The following ZNF280B variants were observed in gnomAD, a reference collection of about 807,000 sequenced individuals.
The protein encoded by ZNF280B is suppressor of hairy wing homolog 2.
A neutral mutation model predicts 38.0 loss-of-function variants in ZNF280B; 16 were observed. The ratio of observed to expected loss-of-function variants is 0.42; its 90% CI spans 0.28 to 0.64. The LOEUF is 0.64. Ranked by LOEUF, ZNF280B falls within the 30% of genes least tolerant of loss-of-function variation. The probability of loss-of-function intolerance (pLI) is 0.21; values close to 1 mark genes in which losing one functional copy is unlikely to be tolerated. For synonymous variants in ZNF280B, 253 were observed against 230.6 expected (o/e 1.10, Z -0.88); for missense variants, 581 against 639.6 (o/e 0.91, Z 0.99).
chr22:22,504,633 T>C (rs189114215), intron 2 of ZNF280B, among the ~76,000 whole-genome samples: 64 of 152,128 alleles, frequency 4.2e-4, no homozygotes, highest in African/African-American at 1.5e-3. Context: ...GTTCTGTGTG[T>C]AGCCAAACAT....
intron 3 of ZNF280B, among the ~76,000 whole-genome samples, chr22:22,492,341 T>G (rs920558073): frequency 1.3e-5 from 2 of 151,906 alleles, no homozygotes; most frequent in Non-Finnish European, 2.9e-5. Context: ...TAAGCATTAC[T>G]GACATTTGGG....
At position 22,489,496 on chromosome 22, in the gene ZNF280B, G is replaced by A; in HGVS notation, c.-68-30C>T. 2.9e-6 allele frequency: 3 copies of A among 1,043,978 alleles called. 1 individual carries two copies. Among genetic ancestry groups the A allele is most frequent in the South Asian group, 3.4e-5 (2 of 59,050 alleles). The allele number at this position is 1,043,978 out of a possible 1,614,324, so 64.7% of individuals were successfully genotyped here. A position where few individuals can be genotyped will look rare whatever the true frequency, so the allele number is the denominator to read the frequency against. On this transcript the variant is annotated intron_variant, in intron 3 of 3. Transcript: ENST00000626650. ...GTACAAACATACATCAGTAAGTACAGGAAAATGCATTACCTTATTTAATTT... is the reference window on the plus strand; with the variant it reads ...GTACAAACATACATCAGTAAGTACAAGAAAATGCATTACCTTATTTAATTT...
Position 22,488,943 on chromosome 22 carries a change from C to T in ZNF280B, c.456G>A (p.Leu152=). ...PSPLITFTDS[L]HHPVSTALSV... ...AAAGTGCTGTACTTACTGGATGATGCAATGAATCTGTGAATGTAATCAAAG... is the reference window on the plus strand; with the variant it reads ...AAAGTGCTGTACTTACTGGATGATGTAATGAATCTGTGAATGTAATCAAAG... Residue 152 remains leucine, a synonymous_variant, in exon 4 of 4, where the codon TTG becomes TTA. Coordinates refer to ENST00000626650, the MANE Select transcript of ZNF280B (RefSeq NM_080764.4). 6.2e-7 allele frequency: 1 copy of T among 1,613,744 alleles called. No homozygotes were observed. Among genetic ancestry groups the T allele is most frequent in the Non-Finnish European group, 8.5e-7 (1 of 1,179,946 alleles).
chr22:22,503,551 G>A (rs2061869922), intron 2 of ZNF280B, among the ~76,000 whole-genome samples: 1 of 151,938 alleles, frequency 6.6e-6, no homozygotes, highest in African/African-American at 2.4e-5. Context: ...AATTAAGCTA[G>A]TATCAGGTGG....
At chr22:22,495,090 G>C (rs997544830) in intron 2 of ZNF280B, among the ~76,000 whole-genome samples, 2 of 151,868 alleles carry the variant, frequency 1.3e-5, no homozygotes. Context: ...TCTGAGGAAA[G>C]GCTTCCCCAA....
rs904667647 is a variant in ZNF280B, at chr22:22,499,280, T to C, written c.-186-5100A>G. Among the ~76,000 whole-genome samples the C allele has an allele frequency of 4.6e-5, 7 of 152,020 alleles. No individual in the cohort carries two copies. The East Asian group carries it at 9.8e-4, about 21-fold the overall frequency. On this transcript the variant is annotated intron_variant, in intron 2 of 3. Coordinates refer to ENST00000626650, the MANE Select transcript of ZNF280B (RefSeq NM_080764.4). The stretch of plus-strand genomic sequence containing the variant: ...ATTATTTTTAATTTTAATTTTTTTT[T>C]TGAGTCGGAATTTCATTCTTGTTGC...
intron 2 of ZNF280B, among the ~76,000 whole-genome samples, chr22:22,495,864 T>C (rs1178507934): frequency 1.3e-5 from 2 of 150,794 alleles, no homozygotes; most frequent in African/African-American, 4.9e-5. Flanking sequence ...CACAGTCTTG[T>C]GCACAGTCTT....
Position 22,487,682 on chromosome 22 carries a change from G to C in ZNF280B, c.*85C>G. On this transcript the variant is annotated 3_prime_UTR_variant, in exon 4 of 4. Transcript: ENST00000626650. ...TAGTTTCACTATTTTTGGTGCTACT[G>C]AATAATGTATGGTTTGTATTTTTTG... 1 of 1,196,658 alleles carries C rather than the reference G, an allele frequency of 8.4e-7. No individual in the cohort carries two copies. The highest frequency in any genetic ancestry group is 1.2e-6 in the Non-Finnish European group (1 of 858,356). 74.1% of individuals were successfully genotyped at this position (1,196,658 alleles called of 1,614,324 possible). A position where few individuals can be genotyped will look rare whatever the true frequency, so the allele number is the denominator to read the frequency against.
At chr22:22,498,133 A>G (rs2061738782) in intron 2 of ZNF280B, among the ~76,000 whole-genome samples, 1 of 152,012 alleles carries the variant, frequency 6.6e-6, no homozygotes. Context: ...TTTCATTTAC[A>G]GGAAATATCA....
rs71199481 is a variant in ZNF280B, at chr22:22,487,447, T to TAAAAAAAAAAAAAAAAA, written c.*303_*319dup. On this transcript the variant is annotated 3_prime_UTR_variant, in exon 4 of 4. Transcript: ENST00000626650. ...TAACAGTGAGACCCTGTCTCTAAAG[T>TAAAAAAAAAAAAAAAAA]AAAAAAAAAAAAAAAAAAAAAAAAA... 2 of 66,774 alleles carry TAAAAAAAAAAAAAAAAA rather than the reference T, an allele frequency of 3.0e-5. No homozygotes were observed. Among genetic ancestry groups the TAAAAAAAAAAAAAAAAA allele is most frequent in the African/African-American group, 4.9e-5 (1 of 20,462 alleles). 4.1% of individuals were successfully genotyped at this position (66,774 alleles called of 1,614,324 possible).
At chr22:22,495,792 AT>A (rs796601752) in intron 2 of ZNF280B, among the ~76,000 whole-genome samples, 3,097 of 143,850 alleles carry the variant, frequency 0.022, 91 homozygotes, top group African/African-American at 0.065. Context: ...CTCAGGCTAG[AT>A]TTTTTTTTTT....
Position 22,485,424 on chromosome 22 carries a change from G to C in ZNF280B, c.*2343C>G, listed in dbSNP as rs1043617974. 6.6e-6 allele frequency: 1 copy of C among 151,872 alleles called. No individual in the cohort carries two copies. The highest frequency in any genetic ancestry group is 1.5e-5 in the Non-Finnish European group (1 of 68,036). 9.4% of individuals were successfully genotyped at this position (151,872 alleles called of 1,614,324 possible). ...ATACCCTTTCTTCAACTAAAGAAAG[G>C]ATTCAGGCTGTAATTTTAGCAAAGT... is the stretch of plus-strand genomic sequence containing the variant. On this transcript the variant is annotated 3_prime_UTR_variant, in exon 4 of 4. Coordinates refer to ENST00000626650, the MANE Select transcript of ZNF280B (RefSeq NM_080764.4).
At position 22,495,669 on chromosome 22, in the gene ZNF280B, ATAG is replaced by A. The variant is rs2061679396; in HGVS notation, c.-186-1492_-186-1490del. ...GGTCAGAGAGGTAGCAAGAGTGGAA[ATAG>A]TAGTAAGGATCTGTAAATTCTTCAT... On this transcript the variant is annotated intron_variant, in intron 2 of 3. Transcript: ENST00000626650. Among the ~76,000 whole-genome samples, 2 of 152,130 alleles carry A rather than the reference ATAG, an allele frequency of 1.3e-5. 1 individual carries two copies. Among genetic ancestry groups the A allele is most frequent in the Non-Finnish European group, 2.9e-5 (2 of 68,012 alleles).
chr22:22,488,070 T>C lies in ZNF280B; in HGVS notation c.1329A>G (p.Thr443=). ...TATAATGACACATGTATGGTGTTGC[T>C]GTTTTGAAAATTTTGAGACAAAAGG... ...LCPFCLKIFK[T]ATPYMCHYRG... Residue 443 remains threonine, a synonymous_variant, in exon 4 of 4, where the codon ACA becomes ACG. Transcript: ENST00000626650. 6.2e-7 allele frequency: 1 copy of C among 1,613,962 alleles called. No individual in the cohort carries two copies.
intron 2 of ZNF280B, among the ~76,000 whole-genome samples, chr22:22,497,317 G>A (rs537744419): frequency 6.8e-6 from 1 of 148,094 alleles, no homozygotes; most frequent in Admixed American, 6.8e-5. Flanking sequence ...GATAACCTGA[G>A]GTCAGGAGTT....
chr22:22,488,877 T>C lies in ZNF280B; in HGVS notation c.522A>G (p.Gln174=), dbSNP rs375826593. The C allele has an allele frequency of 1.8e-5, 29 of 1,613,758 alleles. No individual in the cohort carries two copies. In the African/African-American group the frequency reaches 2.7e-4, roughly 15 times the overall value. ...GINESPRVSK[Q]LSTFEVNSIN... is the part of the protein sequence containing the mutation. The stretch of plus-strand genomic sequence containing the variant: ...TGCTGTTTACTTCGAAAGTGGAAAG[T>C]TGCTTTGATACACGAGGACTTTCAT... Residue 174 remains glutamine, a synonymous_variant, in exon 4 of 4, where the codon CAA becomes CAG. Transcript: ENST00000626650.
Position 22,488,003 on chromosome 22 carries a change from G to T in ZNF280B, c.1396C>A (p.Arg466=), listed in dbSNP as rs373903304. Residue 466 remains arginine (R), a synonymous_variant, in exon 4 of 4, where the codon CGG becomes AGG. Transcript: ENST00000626650. The part of the protein sequence containing the change: ...GKSAHQCSKC[R]LQFLTFKEKM... The stretch of plus-strand genomic sequence containing the variant: ...TCCTTGAAAGTTAAAAACTGTAGCC[G>T]GCACTTGGAACACTGGTGTGCACTC... 1.4e-5 allele frequency: 23 copies of T among 1,613,412 alleles called. No individual in the cohort carries two copies. The highest frequency in any genetic ancestry group is 3.3e-4 in the Middle Eastern group (2 of 6,068).
At chr22:22,503,391 A>G (rs1358298607) in intron 2 of ZNF280B, among the ~76,000 whole-genome samples, 2 of 152,064 alleles carry the variant, frequency 1.3e-5, no homozygotes, top group African/African-American at 4.8e-5. Flanking sequence ...CATATGAACT[A>G]TATTTCAAAG....
chr22:22,508,478 G>A lies in ZNF280B; in HGVS notation c.-248+181C>T, dbSNP rs935061103. On this transcript the variant is annotated intron_variant, in intron 1 of 3. Coordinates refer to ENST00000626650, the MANE Select transcript of ZNF280B (RefSeq NM_080764.4). ...AGATTAGGGAAGGGGGTGTGCGTGAGGGGATCGTGGGACCTGCTTCTGCCC... is the reference window on the plus strand; with the variant it reads ...AGATTAGGGAAGGGGGTGTGCGTGAAGGGATCGTGGGACCTGCTTCTGCCC... Among the ~76,000 whole-genome samples, 5 of 151,802 alleles carry A rather than the reference G, an allele frequency of 3.3e-5. No individual in the cohort carries two copies. The East Asian group carries it at 6.0e-4, about 18-fold the overall frequency.
Sources: allele counts gnomAD v4.1 joint callset (sites outside exome capture counted in the v4.1 genomes callset), GRCh38; gene constraint gnomAD v4.1.1; transcripts MANE v1.5; gene names NCBI Gene and HGNC (gene_info 2026-07-23, HGNC 2026-07-21).